Variants in RANBP17 observed in about 807,000 individuals in gnomAD.
RANBP17 encodes RAN binding protein 17, also known as ran-binding protein 17.
In RANBP17, 158 loss-of-function variants were observed where a neutral mutation model predicts 141.2. That is an observed-to-expected ratio of 1.12 (90% CI 0.98 to 1.28). The LOEUF (loss-of-function observed/expected upper bound fraction) is 1.28. Among genes scored for constraint, RANBP17 ranks in the 50% most tolerant of loss-of-function variants. The pLI, the probability that RANBP17 is intolerant of heterozygous loss-of-function variation, is 0.00. For synonymous variants in RANBP17, 430 were observed against 450.0 expected (o/e 0.96, Z 0.56); for missense variants, 1,438 against 1,290.7 (o/e 1.11, Z -1.75).
At chr5:170,896,275 A>T in intron 5 of RANBP17, 160 bp downstream of exon 5, 1 of 579,324 alleles carries the variant, frequency 1.7e-6, no homozygotes. Flanking sequence ...TGATGGGCTA[A>T]TTAAGTGGTG....
intron 14 of RANBP17, among the ~76,000 whole-genome samples, chr5:170,980,012 G>T (rs1777649372): frequency 6.6e-6 from 1 of 152,206 alleles, no homozygotes. Flanking sequence ...TATGGACAGT[G>T]AAATCCAGGC....
At chr5:171,204,449 G>T (rs925279704) in intron 19 of RANBP17, among the ~76,000 whole-genome samples, 1 of 152,064 alleles carries the variant, frequency 6.6e-6, no homozygotes, top group African/African-American at 2.4e-5. Flanking sequence ...TCCTAAAGAG[G>T]TTTTCATTTA....
chr5:171,256,620 A>AAAAC (rs971124628), intron 24 of RANBP17, among the ~76,000 whole-genome samples: 15 of 152,182 alleles, frequency 9.9e-5, no homozygotes, highest in African/African-American at 3.6e-4. Context: ...AAGGATCAAC[A>AAAAC]AAACAAAAAG....
At chr5:171,121,722 T>C (rs905769306) in intron 14 of RANBP17, among the ~76,000 whole-genome samples, 1 of 152,110 alleles carries the variant, frequency 6.6e-6, no homozygotes, top group Non-Finnish European at 1.5e-5. Flanking sequence ...GGGACCAGGC[T>C]CCATGCAACT....
chr5:171,232,993 G>T (rs556735333), intron 22 of RANBP17, among the ~76,000 whole-genome samples: 1 of 152,142 alleles, frequency 6.6e-6, no homozygotes, highest in Non-Finnish European at 1.5e-5. Context: ...AGCAGTTGCT[G>T]TTCCAGGTTC....
intron 14 of RANBP17, among the ~76,000 whole-genome samples, chr5:171,026,935 G>A (rs1781270480): frequency 6.6e-6 from 1 of 152,126 alleles, no homozygotes; most frequent in Non-Finnish European, 1.5e-5. Context: ...ATTACTGCCT[G>A]AGCTCCACCT....
intron 14 of RANBP17, among the ~76,000 whole-genome samples, chr5:171,130,704 T>C (rs1451633160): frequency 3.9e-5 from 6 of 152,232 alleles, no homozygotes; most frequent in African/African-American, 9.6e-5. Context: ...AAAAAAATAC[T>C]TTTTTATATA....
chr5:171,260,343 A>C (rs1766221973), intron 24 of RANBP17, among the ~76,000 whole-genome samples: 2 of 149,816 alleles, frequency 1.3e-5, no homozygotes, highest in South Asian at 4.3e-4. Flanking sequence ...TGGCACACAC[A>C]CCTGTGGTGG....
chr5:171,128,328 A>G (rs569180272), intron 14 of RANBP17, among the ~76,000 whole-genome samples: 1 of 152,326 alleles, frequency 6.6e-6, no homozygotes, highest in Non-Finnish European at 1.5e-5. Context: ...TATGAAAAAA[A>G]GCGTGAAATC....
At chr5:170,862,303 G>A (rs1766858176) in intron 1 of RANBP17, among the ~76,000 whole-genome samples, 1 of 152,194 alleles carries the variant, frequency 6.6e-6, no homozygotes, top group Non-Finnish European at 1.5e-5. Context: ...TGGAGGGGGC[G>A]GGGGACAGGC....
intron 14 of RANBP17, among the ~76,000 whole-genome samples, chr5:171,117,179 G>T (rs1755695925): frequency 6.6e-6 from 1 of 151,994 alleles, no homozygotes; most frequent in Non-Finnish European, 1.5e-5. Flanking sequence ...TCTTTCCTTT[G>T]GATAAAGTAC....
intron 14 of RANBP17, among the ~76,000 whole-genome samples, chr5:171,065,380 A>C (rs1323345809): frequency 6.6e-6 from 1 of 152,088 alleles, no homozygotes; most frequent in Admixed American, 6.6e-5. Flanking sequence ...TCTCATAAGG[A>C]GCACACAACC....
chr5:170,971,361 G>A (rs1776974638), intron 14 of RANBP17, among the ~76,000 whole-genome samples: 1 of 152,160 alleles, frequency 6.6e-6, no homozygotes, highest in Non-Finnish European at 1.5e-5. Flanking sequence ...TAATTTCATT[G>A]TCACAAAAAT....
At chr5:171,199,237 A>G (rs1365051252) in intron 18 of RANBP17, among the ~76,000 whole-genome samples, 6 of 152,158 alleles carry the variant, frequency 3.9e-5, no homozygotes, top group Non-Finnish European at 2.9e-5. Context: ...ATAAAAGAGA[A>G]TAATAACTTA....
intron 24 of RANBP17, among the ~76,000 whole-genome samples, chr5:171,245,623 T>C (rs1765165804): frequency 6.6e-6 from 1 of 152,052 alleles, no homozygotes; most frequent in Non-Finnish European, 1.5e-5. Context: ...CAATTTTGAT[T>C]TTTTTAATGT....
intron 20 of RANBP17, among the ~76,000 whole-genome samples, chr5:171,212,947 A>G (rs1253525893): frequency 6.6e-6 from 1 of 152,158 alleles, no homozygotes; most frequent in Non-Finnish European, 1.5e-5. Flanking sequence ...CTTAGCATTA[A>G]TAAGGATGTT....
At chr5:170,898,509 A>T (rs1023705019) in intron 5 of RANBP17, among the ~76,000 whole-genome samples, 38 of 151,996 alleles carry the variant, frequency 2.5e-4, no homozygotes. Flanking sequence ...TTCTTTTGCT[A>T]TGCAGAAGCT....
chr5:171,249,105 T>C (rs1765401495), intron 24 of RANBP17, among the ~76,000 whole-genome samples: 1 of 152,024 alleles, frequency 6.6e-6, no homozygotes, highest in Non-Finnish European at 1.5e-5. Flanking sequence ...AGCACAAAAT[T>C]TGCCACAGCT....
intron 14 of RANBP17, among the ~76,000 whole-genome samples, chr5:171,116,299 G>A (rs1755626414): frequency 6.6e-6 from 1 of 151,930 alleles, no homozygotes; most frequent in Admixed American, 6.6e-5. Context: ...CTGGGGAAGG[G>A]GCAAGTTGCC....
Sources: allele counts gnomAD v4.1 joint callset (sites outside exome capture counted in the v4.1 genomes callset), GRCh38; gene constraint gnomAD v4.1.1; transcripts MANE v1.5; gene names NCBI Gene and HGNC (gene_info 2026-07-23, HGNC 2026-07-21).